CCSER1: variants seen among roughly 807,000 people sequenced by gnomAD.
The protein encoded by CCSER1 is coiled-coil serine rich protein 1, also known as serine-rich coiled-coil domain-containing protein 1.
In CCSER1, 41 loss-of-function variants were observed where a neutral mutation model predicts 82.0. That is an observed-to-expected ratio of 0.50 (90% CI 0.39 to 0.65). CCSER1 has a LOEUF of 0.65. Ranked by LOEUF, CCSER1 falls within the 30% of genes least tolerant of loss-of-function variation. The pLI, the probability that CCSER1 is intolerant of heterozygous loss-of-function variation, is 0.00. For synonymous variants in CCSER1, 414 were observed against 383.9 expected (o/e 1.08, Z -0.92); for missense variants, 1,119 against 1,064.2 (o/e 1.05, Z -0.72).
intron 10 of CCSER1, chr4:91,325,172 C>A (rs1746467128): frequency 2.2e-6 from 1 of 455,914 alleles, no homozygotes. Context: ...TTTCTGTCTT[C>A]TTGTTTCACC....
chr4:90,734,136 T>C (rs1745255808), intron 7 of CCSER1, among the ~76,000 whole-genome samples: 4 of 151,894 alleles, frequency 2.6e-5, no homozygotes, highest in Admixed American at 2.6e-4. Flanking sequence ...AATTAATTTA[T>C]TTATTTTGAG....
chr4:90,350,863 G>A (rs998435848), intron 3 of CCSER1, among the ~76,000 whole-genome samples: 5 of 151,992 alleles, frequency 3.3e-5, no homozygotes, highest in African/African-American at 1.2e-4. Context: ...ATCTAAAAAT[G>A]TATTTTACTG....
chr4:91,475,478 C>A (rs1757542421), intron 10 of CCSER1, among the ~76,000 whole-genome samples: 1 of 151,720 alleles, frequency 6.6e-6, no homozygotes, highest in African/African-American at 2.4e-5. Flanking sequence ...ACCTTATATT[C>A]TAAAAGGGGG....
intron 1 of CCSER1, among the ~76,000 whole-genome samples, chr4:90,216,432 A>G (rs868165384): frequency 1.3e-5 from 2 of 152,192 alleles, no homozygotes; most frequent in Non-Finnish European, 2.9e-5. Flanking sequence ...GAGATAGTCC[A>G]GTGGATGGGA....
At chr4:90,695,053 T>TA (rs1491340909) in intron 6 of CCSER1, among the ~76,000 whole-genome samples, 22 of 147,948 alleles carry the variant, frequency 1.5e-4, no homozygotes, top group African/African-American at 4.9e-4. Context: ...TGTATATATA[T>TA]TTATTTATAT....
intron 3 of CCSER1, among the ~76,000 whole-genome samples, chr4:90,358,931 A>G (rs1005688783): frequency 6.6e-6 from 1 of 152,190 alleles, no homozygotes; most frequent in African/African-American, 2.4e-5. Context: ...CATTTCATCC[A>G]TAAGTTACTC....
At chr4:91,349,735 T>C (rs1453667653) in intron 10 of CCSER1, among the ~76,000 whole-genome samples, 1 of 150,360 alleles carries the variant, frequency 6.7e-6, no homozygotes, top group African/African-American at 2.5e-5. Flanking sequence ...AGGTTTTCAC[T>C]GAGAGAACCC....
chr4:90,358,848 A>G (rs1456788080), intron 3 of CCSER1, among the ~76,000 whole-genome samples: 2 of 152,190 alleles, frequency 1.3e-5, no homozygotes, highest in Admixed American at 6.5e-5. Flanking sequence ...AATCACAAAC[A>G]TCAACAAATA....
At chr4:90,349,720 CTATT>C (rs1743077898) in intron 3 of CCSER1, among the ~76,000 whole-genome samples, 1 of 143,280 alleles carries the variant, frequency 7.0e-6, no homozygotes, top group South Asian at 2.2e-4. Flanking sequence ...GTGCTTAACT[CTATT>C]AATTATAACA....
chr4:90,874,603 T>A (rs1232886400), intron 8 of CCSER1, among the ~76,000 whole-genome samples: 1 of 152,192 alleles, frequency 6.6e-6, no homozygotes, highest in East Asian at 1.9e-4. Context: ...TCTAACTTTG[T>A]CTAAGTATTT....
chr4:91,549,871 G>A (rs1762077416), intron 10 of CCSER1, among the ~76,000 whole-genome samples: 1 of 151,874 alleles, frequency 6.6e-6, no homozygotes, highest in African/African-American at 2.4e-5. Flanking sequence ...CGGTGAGCCA[G>A]TGTCTACACT....
intron 5 of CCSER1, among the ~76,000 whole-genome samples, chr4:90,556,825 G>C (rs1235459971): frequency 6.6e-6 from 1 of 150,716 alleles, no homozygotes; most frequent in East Asian, 1.9e-4. Context: ...AACTTACACT[G>C]TTCAAGGAAC....
At chr4:91,507,024 CATTA>C (rs1399785770) in intron 10 of CCSER1, among the ~76,000 whole-genome samples, 1 of 152,062 alleles carries the variant, frequency 6.6e-6, no homozygotes, top group Non-Finnish European at 1.5e-5. Flanking sequence ...TTTTATGTAT[CATTA>C]CTCAGTTGAT....
chr4:91,563,810 CAA>C (rs1279047597), intron 10 of CCSER1, among the ~76,000 whole-genome samples: 4 of 151,658 alleles, frequency 2.6e-5, no homozygotes, highest in African/African-American at 9.7e-5. Flanking sequence ...AAGATTTCAC[CAA>C]AAACCTGTTG....
At chr4:90,978,465 A>G (rs753486808) in intron 9 of CCSER1, among the ~76,000 whole-genome samples, 4 of 151,584 alleles carry the variant, frequency 2.6e-5, no homozygotes, top group Non-Finnish European at 5.9e-5. Context: ...CAAAATGTCT[A>G]TTATTTTCTT....
chr4:90,997,888 T>C (rs1737641385), intron 9 of CCSER1, among the ~76,000 whole-genome samples: 3 of 152,124 alleles, frequency 2.0e-5, no homozygotes, highest in African/African-American at 7.2e-5. Flanking sequence ...TTTCTTACAG[T>C]GACCTGATGA....
chr4:91,068,031 T>C (rs1721022838), intron 9 of CCSER1, among the ~76,000 whole-genome samples: 1 of 152,214 alleles, frequency 6.6e-6, no homozygotes, highest in African/African-American at 2.4e-5. Flanking sequence ...TTCTCCTTAC[T>C]ATAACAAATA....
At chr4:90,875,021 G>T (rs1767017907) in intron 8 of CCSER1, among the ~76,000 whole-genome samples, 1 of 152,232 alleles carries the variant, frequency 6.6e-6, no homozygotes, top group African/African-American at 2.4e-5. Flanking sequence ...ACACCAGCCT[G>T]GGCTACAGAG....
intron 10 of CCSER1, among the ~76,000 whole-genome samples, chr4:91,316,387 A>G (rs1745840330): frequency 6.6e-6 from 1 of 152,024 alleles, no homozygotes; most frequent in African/African-American, 2.4e-5. Context: ...TAATTCATTT[A>G]CAAAGACTCG....
Sources: allele counts gnomAD v4.1 joint callset (sites outside exome capture counted in the v4.1 genomes callset), GRCh38; gene constraint gnomAD v4.1.1; transcripts MANE v1.5; gene names NCBI Gene and HGNC (gene_info 2026-07-23, HGNC 2026-07-21).